HLX: variants seen among roughly 807,000 people sequenced by gnomAD.
HLX encodes the protein H2.0-like homeobox protein.
In HLX, 6 loss-of-function variants were observed where a neutral mutation model predicts 27.7. The ratio of observed to expected loss-of-function variants is 0.22; its 90% CI spans 0.12 to 0.43. The LOEUF is 0.43. HLX is among the 20% of genes least tolerant of loss of function. The pLI is 1.00. For missense variants in HLX, 666 were observed against 655.2 expected (o/e 1.02, Z -0.18); for synonymous variants, 328 against 293.8 (o/e 1.12, Z -1.19).
Position 220,879,678 on chromosome 1 carries a change from C to T in HLX, c.-180C>T, listed in dbSNP as rs1464070959. ...GGCGGTGACCGGCCGAGATCCGGCC[C>T]TCGCCTCCTCCCTCGGTGGCGCTAG... On this transcript the variant is annotated 5_prime_UTR_variant, in exon 1 of 4. Coordinates refer to ENST00000366903, the MANE Select transcript of HLX (RefSeq NM_021958.4). 9.9e-7 allele frequency: 1 copy of T among 1,013,718 alleles called. No individual in the cohort carries two copies. The allele number at this position is 1,013,718 out of a possible 1,614,324, so 62.8% of individuals were successfully genotyped here.
rs192216022 is a variant in HLX at position 220,882,536 on chromosome 1, G to C, written c.957+188G>C. 5.0e-6 allele frequency: 3 copies of C among 600,634 alleles called. No individual in the cohort carries two copies. The East Asian group carries it at 8.4e-5, about 17-fold the overall frequency. 37.2% of individuals were successfully genotyped at this position (600,634 alleles called of 1,614,324 possible). ...AAGAGGAGGGTGGAGATGGGGTGAG[G>C]GAGAAGGACCGAGAGAAGAGCTCAT... is the stretch of plus-strand genomic sequence containing the variant. On this transcript the variant is annotated intron_variant, in intron 3 of 3. Coordinates refer to ENST00000366903, the MANE Select transcript of HLX (RefSeq NM_021958.4).
In HLX at chr1:220,880,023, G is replaced by T; in HGVS notation, c.166G>T (p.Asp56Tyr). Residue 56 changes from aspartate to tyrosine, a missense_variant, in exon 1 of 4, where the codon GAT (aspartate) becomes TAT (tyrosine). Physicochemically the swap from Asp to Tyr is radical, Grantham distance 160. Coordinates refer to ENST00000366903, the MANE Select transcript of HLX (RefSeq NM_021958.4). ...IADILHAGVG[D>Y]LGAAPEGLAG... is the part of the protein sequence containing the mutation. ...AGACATTCTGCACGCCGGCGTGGGG[G>T]ATCTGGGGGCGGCCCCGGAGGGCCT... 1 of 1,594,174 alleles carries T rather than the reference G, an allele frequency of 6.3e-7. No homozygotes were observed. Among genetic ancestry groups the T allele is most frequent in the Non-Finnish European group, 8.5e-7 (1 of 1,176,434 alleles).
At position 220,880,379 on chromosome 1, in the gene HLX, C is replaced by A; in HGVS notation, c.522C>A (p.Leu174=). The change falls in exon 1 of 4, where the codon CTC becomes CTA. Residue 174 remains leucine (L), a synonymous_variant. Transcript: ENST00000366903. ...CCCCGGCCCCCTCCAGCAAAGACCT[C>A]AAATTTGGAATTGACCGCATTTTAT... ...GSAPAPSSKD[L]KFGIDRILSA... The A allele has an allele frequency of 3.7e-6, 6 of 1,614,174 alleles. No homozygotes were observed. The South Asian group carries it at 6.6e-5, about 18-fold the overall frequency.
chr1:220,881,055 GT>G lies in HLX; in HGVS notation c.593-136del, dbSNP rs1674424106. ...CCTTGGCAACTGTTGGGAGAGAGAG[GT>G]TTCAGCGCCTAGACGGGTTCTCTCT... On this transcript the variant is annotated intron_variant, in intron 1 of 3. Coordinates refer to ENST00000366903, the MANE Select transcript of HLX (RefSeq NM_021958.4). The G allele has an allele frequency of 6.4e-6, 5 of 783,938 alleles. No individual in the cohort carries two copies. The Admixed American group carries it at 7.1e-5, about 11-fold the overall frequency. The allele number at this position is 783,938 out of a possible 1,614,324, so 48.6% of individuals were successfully genotyped here.
Position 220,880,931 on chromosome 1 carries a change from C to T in HLX, c.593-263C>T, listed in dbSNP as rs926944285. 1.3e-5 allele frequency: 6 copies of T among 479,866 alleles called. No individual in the cohort carries two copies. In the Middle Eastern group the frequency reaches 1.7e-3, roughly 135 times the overall value. 29.7% of individuals were successfully genotyped at this position (479,866 alleles called of 1,614,324 possible). A position where few individuals can be genotyped will look rare whatever the true frequency, so the allele number is the denominator to read the frequency against. On this transcript the variant is annotated intron_variant, in intron 1 of 3. Transcript: ENST00000366903. ...GCGTCTGTGGCGTTCTTGGAAGACA[C>T]GTGAAAGTGAGGCCGTAAGCCGATT... is the stretch of plus-strand genomic sequence containing the variant.
rs1274969371 is a variant in HLX at position 220,882,054 on chromosome 1, T to C, written c.773-110T>C. On this transcript the variant is annotated intron_variant, in intron 2 of 3. Coordinates refer to ENST00000366903, the MANE Select transcript of HLX (RefSeq NM_021958.4). ...TCTGAATGAGGGTGGAATCGACAGT[T>C]AACACGAAACAGTTTCAAGCCTTAC... The C allele has an allele frequency of 4.1e-6, 4 of 984,976 alleles. No individual in the cohort carries two copies. The Admixed American group carries it at 7.2e-5, about 18-fold the overall frequency. The allele number at this position is 984,976 out of a possible 1,614,324, so 61.0% of individuals were successfully genotyped here. A position where few individuals can be genotyped will look rare whatever the true frequency, so the allele number is the denominator to read the frequency against.
rs1204107315 is a variant in HLX at position 220,879,693 on chromosome 1, G to C, written c.-165G>C. The C allele has an allele frequency of 5.3e-6, 6 of 1,128,898 alleles. No homozygotes were observed. Among genetic ancestry groups the C allele is most frequent in the Non-Finnish European group, 5.9e-6 (5 of 845,196 alleles). 69.9% of individuals were successfully genotyped at this position (1,128,898 alleles called of 1,614,324 possible). On this transcript the variant is annotated 5_prime_UTR_variant, in exon 1 of 4. Transcript: ENST00000366903. ...AGATCCGGCCCTCGCCTCCTCCCTC[G>C]GTGGCGCTAGGGCTCCCGGCCTCTC...
At chr1:220,882,535 G>A (rs546641797) in intron 3 of HLX, 187 bp downstream of exon 3, 3 of 602,734 alleles carry the variant, frequency 5.0e-6, no homozygotes, top group East Asian at 2.8e-5. Flanking sequence ...GATGGGGTGA[G>A]GGAGAAGGAC....
At chr1:220,883,339 C>G (rs1397011876) in intron 3 of HLX, 2 of 151,356 alleles carry the variant, frequency 1.3e-5, no homozygotes, top group Admixed American at 6.6e-5. Context: ...ACACGAGGAG[C>G]CCAGCCGTTT....
In HLX at chr1:220,880,019, G is replaced by A. The variant is rs1361978365; in HGVS notation, c.162G>A (p.Val54=). 2 of 1,594,086 alleles carry A rather than the reference G, an allele frequency of 1.3e-6. No individual in the cohort carries two copies. Among genetic ancestry groups the A allele is most frequent in the Non-Finnish European group, 1.7e-6 (2 of 1,176,542 alleles). Residue 54 remains valine, a synonymous_variant, in exon 1 of 4, where the codon GTG becomes GTA. Coordinates refer to ENST00000366903, the MANE Select transcript of HLX (RefSeq NM_021958.4). ...TCGCAGACATTCTGCACGCCGGCGTGGGGGATCTGGGGGCGGCCCCGGAGG... is the reference window on the plus strand; with the variant it reads ...TCGCAGACATTCTGCACGCCGGCGTAGGGGATCTGGGGGCGGCCCCGGAGG... ...FCIADILHAG[V]GDLGAAPEGL...
intron 1 of HLX, chr1:220,880,737 A>G (rs1674408341): frequency 7.4e-6 from 4 of 539,720 alleles, no homozygotes; most frequent in Admixed American, 3.2e-5. Context: ...TGATCTCTTT[A>G]ATAATGTATC....
rs12096405 is a variant in HLX at position 220,880,626 on chromosome 1, A to G, written c.592+177A>G. On this transcript the variant is annotated intron_variant, in intron 1 of 3. Transcript: ENST00000366903. ...ATTAGGTCTAAAACTCACCTGTTCT[A>G]TGTAAAACAAACAAAAAATGACTCC... The G allele has an allele frequency of 2.3e-3, 1,498 of 659,688 alleles. 11 individuals carry two copies. The African/African-American group carries it at 0.024, about 11-fold the overall frequency. 40.9% of individuals were successfully genotyped at this position (659,688 alleles called of 1,614,324 possible).
At chr1:220,882,871 G>A in intron 3 of HLX, 1 of 165,000 alleles carries the variant, frequency 6.1e-6, no homozygotes, top group Non-Finnish European at 1.3e-5. Context: ...AGGGCAGGGA[G>A]TCTGCTTGGA....
chr1:220,880,887 A>G, intron 1 of HLX: 1 of 439,922 alleles, frequency 2.3e-6, no homozygotes, highest in Non-Finnish European at 4.1e-6. Flanking sequence ...GAGTGGGGCC[A>G]CCTTGGGGCG....
chr1:220,884,516 A>G lies in HLX; in HGVS notation c.1279A>G (p.Ser427Gly), dbSNP rs1165739623. ...CAGCAGTGCTGGGAGTGGTGGGAGC[A>G]GCGGCGGCGGCGGCAATAGTTTCAG... ...TASSAGSGGSSGGGGNSFSFS... is the reference protein window; with the variant it reads ...TASSAGSGGSGGGGGNSFSFS... The change falls in exon 4 of 4, where the codon AGC becomes GGC. Residue 427 changes from serine to glycine, a missense_variant. Physicochemically the swap from Ser to Gly is moderately conservative, Grantham distance 56 (BLOSUM62 0). Coordinates refer to ENST00000366903, the MANE Select transcript of HLX (RefSeq NM_021958.4). The surrounding 1 kb of genome is among the most constrained non-coding windows in gnomAD (Gnocchi z 4.9). 3.1e-6 allele frequency: 5 copies of G among 1,612,614 alleles called. No individual in the cohort carries two copies. The South Asian group carries it at 5.5e-5, about 18-fold the overall frequency.
At chr1:220,881,068 G>A (rs142206913) in intron 1 of HLX, 126 bp from the exon 2 acceptor site, 4 of 871,606 alleles carry the variant, frequency 4.6e-6, no homozygotes, top group African/African-American at 1.7e-5. Flanking sequence ...TCAGCGCCTA[G>A]ACGGGTTCTC....
rs762136848 is a variant in HLX at position 220,882,339 on chromosome 1, G to C, written c.948G>C (p.Thr316=). 7 of 1,613,980 alleles carry C rather than the reference G, an allele frequency of 4.3e-6. No homozygotes were observed. The highest frequency in any genetic ancestry group is 5.9e-6 in the Non-Finnish European group (7 of 1,180,010). The change falls in exon 3 of 4, where the codon ACG becomes ACC. Residue 316 remains threonine (T), a synonymous_variant. Coordinates refer to ENST00000366903, the MANE Select transcript of HLX (RefSeq NM_021958.4). The part of the protein sequence containing the change: ...RKQLAAMLGL[T]DAQVKVWFQN... Reference sequence around the variant, plus strand: ...AGCTGGCGGCGATGCTGGGCCTCACGGACGCACAGGTAAGGCAGTTCTGGC... The same window carrying C: ...AGCTGGCGGCGATGCTGGGCCTCACCGACGCACAGGTAAGGCAGTTCTGGC...
chr1:220,880,285 G>A lies in HLX; in HGVS notation c.428G>A (p.Arg143Gln). The A allele has an allele frequency of 1.2e-6, 2 of 1,607,272 alleles. No individual in the cohort carries two copies. Among genetic ancestry groups the A allele is most frequent in the Admixed American group, 1.7e-5 (1 of 59,696 alleles). Residue 143 changes from arginine (R) to glutamine (Q), a missense_variant, in exon 1 of 4, where the codon CGG (arginine) becomes CAG (glutamine). Coordinates refer to ENST00000366903, the MANE Select transcript of HLX (RefSeq NM_021958.4). ...PQQQQPPPPP[R>Q]AGALQPPASG... is the part of the protein sequence containing the mutation. ...CAGCAACAGCCTCCGCCTCCGCCCCGGGCTGGCGCCCTGCAGCCCCCGGCC... is the reference window on the plus strand; with the variant it reads ...CAGCAACAGCCTCCGCCTCCGCCCCAGGCTGGCGCCCTGCAGCCCCCGGCC...
rs548203884 is a variant in HLX at position 220,883,875 on chromosome 1, G to C, written c.958-320G>C. ...AAAAATTACATGGATTTAGAGTAGAGAGAGAGTATGTTGGGGGTCGGGTGC... is the reference window on the plus strand; with the variant it reads ...AAAAATTACATGGATTTAGAGTAGACAGAGAGTATGTTGGGGGTCGGGTGC... On this transcript the variant is annotated intron_variant, in intron 3 of 3. Coordinates refer to ENST00000366903, the MANE Select transcript of HLX (RefSeq NM_021958.4). 16 of 422,514 alleles carry C rather than the reference G, an allele frequency of 3.8e-5. No individual in the cohort carries two copies. The South Asian group carries it at 4.9e-4, about 13-fold the overall frequency. 26.2% of individuals were successfully genotyped at this position (422,514 alleles called of 1,614,324 possible).
Sources: allele counts gnomAD v4.1 joint callset, GRCh38; gene constraint gnomAD v4.1.1; non-coding constraint Gnocchi (gnomAD v3.1); transcripts MANE v1.5; gene names NCBI Gene and HGNC (gene_info 2026-07-23, HGNC 2026-07-21).